The following NRXN3 variants were observed in gnomAD, a reference collection of about 807,000 sequenced individuals.
NRXN3 encodes the protein neurexin 3.
A neutral mutation model predicts 137.6 loss-of-function variants in NRXN3; 32 were observed. The ratio of observed to expected loss-of-function variants is 0.23; its 90% CI spans 0.18 to 0.31. NRXN3 has a LOEUF of 0.31. NRXN3 is among the 10% of genes least tolerant of loss of function. The probability of loss-of-function intolerance (pLI) is 1.00; values close to 1 mark genes in which losing one functional copy is unlikely to be tolerated. For synonymous variants in NRXN3, 798 were observed against 784.5 expected (o/e 1.02, Z -0.29); for missense variants, 1,574 against 2,062.5 (o/e 0.76, Z 4.59).
intron 16 of NRXN3, among the ~76,000 whole-genome samples, chr14:79,528,543 G>A (rs1044898146): frequency 1.3e-5 from 2 of 152,082 alleles, no homozygotes; most frequent in African/African-American, 4.8e-5. Context: ...ATATATGTGT[G>A]TGTATATATA....
chr14:79,686,406 A>G (rs2098695148), intron 17 of NRXN3, among the ~76,000 whole-genome samples: 1 of 152,100 alleles, frequency 6.6e-6, no homozygotes, highest in Non-Finnish European at 1.5e-5. Context: ...CTGCTGTTCA[A>G]GGCTCCTTAC....
chr14:78,893,087 T>A (rs778023238), intron 10 of NRXN3, among the ~76,000 whole-genome samples: 11 of 151,878 alleles, frequency 7.2e-5, no homozygotes, highest in Non-Finnish European at 1.5e-4. Flanking sequence ...TGTGGGCACC[T>A]GCTTGGCCAC....
intron 15 of NRXN3, among the ~76,000 whole-genome samples, chr14:79,057,155 C>T (rs1179491396): frequency 6.6e-6 from 1 of 152,190 alleles, no homozygotes; most frequent in Non-Finnish European, 1.5e-5. Flanking sequence ...TCTATTTCCA[C>T]ATCTGAGGAT....
intron 10 of NRXN3, among the ~76,000 whole-genome samples, chr14:78,818,321 A>T (rs1402603763): frequency 6.6e-6 from 1 of 152,080 alleles, no homozygotes; most frequent in African/African-American, 2.4e-5. Context: ...TGCTTGGTAA[A>T]TAATTGCTAA....
chr14:78,904,327 G>A (rs183147899), intron 10 of NRXN3, among the ~76,000 whole-genome samples: 1 of 152,096 alleles, frequency 6.6e-6, no homozygotes, highest in East Asian at 1.9e-4. Flanking sequence ...ATATCTCAGA[G>A]TACACAAGAC....
intron 15 of NRXN3, among the ~76,000 whole-genome samples, chr14:79,070,181 T>C (rs2099685858): frequency 6.6e-6 from 1 of 152,184 alleles, no homozygotes; most frequent in Non-Finnish European, 1.5e-5. Context: ...TCCTTTTAAA[T>C]TGGTAGTTTG....
intron 15 of NRXN3, among the ~76,000 whole-genome samples, chr14:79,034,437 T>C (rs2099612874): frequency 6.6e-6 from 1 of 151,406 alleles, no homozygotes; most frequent in African/African-American, 2.4e-5. Flanking sequence ...AGAACTTAGA[T>C]GTTTTATTTT....
At chr14:79,413,648 A>G (rs114725916) in intron 15 of NRXN3, among the ~76,000 whole-genome samples, 1 of 152,202 alleles carries the variant, frequency 6.6e-6, no homozygotes, top group African/African-American at 2.4e-5. Flanking sequence ...CATAGAGGGT[A>G]CAACAGATCT....
At chr14:79,154,063 G>A (rs563747992) in intron 15 of NRXN3, among the ~76,000 whole-genome samples, 6 of 152,056 alleles carry the variant, frequency 3.9e-5, no homozygotes, top group African/African-American at 1.4e-4. Context: ...GGCTTTTCTA[G>A]CACTTACTAC....
chr14:78,208,884 G>GT (rs1477751614), intron 1 of NRXN3, among the ~76,000 whole-genome samples: 1 of 152,130 alleles, frequency 6.6e-6, no homozygotes, highest in Non-Finnish European at 1.5e-5. Context: ...TGTAGTTCGC[G>GT]TATGTGTCCC....
intron 4 of NRXN3, among the ~76,000 whole-genome samples, chr14:78,519,430 G>A (rs942876015): frequency 9.2e-5 from 14 of 152,214 alleles, no homozygotes; most frequent in South Asian, 2.1e-4. Flanking sequence ...CATTCTCTGC[G>A]TGTTTATTTA....
chr14:78,889,371 G>T (rs1228253395), intron 10 of NRXN3, among the ~76,000 whole-genome samples: 1 of 151,908 alleles, frequency 6.6e-6, no homozygotes, highest in Non-Finnish European at 1.5e-5. Flanking sequence ...TTTCAGAGAA[G>T]CATTGCACTT....
chr14:78,644,001 C>T lies in NRXN3; in HGVS notation c.758-1119C>T, dbSNP rs569588064. ...ACTAAAAATACAAAAGTTAGTCGGG[C>T]GTGTTGTCACACACCTGTAGTCCCA... On this transcript the variant is annotated intron_variant, in intron 4 of 20. Transcript: ENST00000335750. Among the ~76,000 whole-genome samples, 42 of 152,016 alleles carry T rather than the reference C, an allele frequency of 2.8e-4. 1 individual carries two copies. Among genetic ancestry groups the T allele is most frequent in the Admixed American group, 2.0e-3 (31 of 15,256 alleles).
At chr14:78,254,294 C>T (rs1276853647) in intron 2 of NRXN3, among the ~76,000 whole-genome samples, 1 of 152,090 alleles carries the variant, frequency 6.6e-6, no homozygotes, top group African/African-American at 2.4e-5. Context: ...ATTTTATCAA[C>T]CTGTGATGTC....
chr14:79,211,315 A>G (rs1001671161), intron 15 of NRXN3, among the ~76,000 whole-genome samples: 4 of 152,180 alleles, frequency 2.6e-5, no homozygotes, highest in African/African-American at 9.6e-5. Flanking sequence ...CAAGTGCTCA[A>G]TGTTAAATTG....
chr14:79,211,861 ACT>A (rs1195805457), intron 15 of NRXN3, among the ~76,000 whole-genome samples: 4 of 151,920 alleles, frequency 2.6e-5, no homozygotes, highest in African/African-American at 9.7e-5. Flanking sequence ...TGCAGATAAG[ACT>A]CCCCTACCCT....
At chr14:79,139,430 C>T (rs574378403) in intron 15 of NRXN3, among the ~76,000 whole-genome samples, 4 of 152,222 alleles carry the variant, frequency 2.6e-5, no homozygotes, top group Admixed American at 2.6e-4. Flanking sequence ...TAGTAAATAA[C>T]ACCATCCATA....
chr14:78,993,251 A>G (rs1034057951), intron 15 of NRXN3, among the ~76,000 whole-genome samples: 2 of 152,040 alleles, frequency 1.3e-5, no homozygotes, highest in Non-Finnish European at 2.9e-5. Context: ...AAATCTGTTA[A>G]AAACACATTT....
rs916358012 is a variant in NRXN3 at position 79,647,036 on chromosome 14, C to G, written c.3445-16742C>G. 1.5e-5 allele frequency among the ~76,000 whole-genome samples: 2 copies of G among 135,422 alleles called. 1 individual carries two copies. The highest frequency in any genetic ancestry group is 3.4e-5 in the Non-Finnish European group (2 of 58,288). The allele number at this position is 135,422 out of a possible 152,430, so 88.8% of individuals were successfully genotyped here. On this transcript the variant is annotated intron_variant, in intron 16 of 20. Coordinates refer to ENST00000335750, the MANE Select transcript of NRXN3 (RefSeq NM_001330195.2). The stretch of plus-strand genomic sequence containing the variant: ...TCTAAGTGTTGCCCCAATCCGTTCT[C>G]CCATCCAACTCCACAAGCAGTAAAG...
Sources: gnomAD v4.1 joint callset for allele counts (sites outside exome capture counted in the v4.1 genomes callset) on GRCh38, gnomAD v4.1.1 for gene constraint, MANE v1.5 for transcripts, NCBI Gene and HGNC (gene_info 2026-07-23, HGNC 2026-07-21) for gene names.